The following NRXN1 variants were observed in gnomAD, a reference collection of about 807,000 sequenced individuals.
NRXN1 encodes the protein neurexin-1.
In NRXN1, 39 loss-of-function variants were observed where a neutral mutation model predicts 150.9. That is an observed-to-expected ratio of 0.26 (90% CI 0.20 to 0.34). NRXN1 has a LOEUF of 0.34. Among genes scored for constraint, NRXN1 ranks in the 10% least tolerant of loss-of-function variants. The pLI, the probability that NRXN1 is intolerant of heterozygous loss-of-function variation, is 1.00. For synonymous variants in NRXN1, 924 were observed against 757.0 expected (o/e 1.22, Z -3.62); for missense variants, 1,815 against 1,949.9 (o/e 0.93, Z 1.30).
At chr2:50,598,754 T>C (rs1243453833) in intron 8 of NRXN1, among the ~76,000 whole-genome samples, 2 of 148,684 alleles carry the variant, frequency 1.3e-5, no homozygotes, top group Non-Finnish European at 3.0e-5. Context: ...ATATATTTTA[T>C]TTTTGTTTTG....
In NRXN1 at chr2:50,131,918, T is replaced by C. The variant is rs1705560433; in HGVS notation, c.3547-40424A>G. Among the ~76,000 whole-genome samples, 5 of 152,204 alleles carry C rather than the reference T, an allele frequency of 3.3e-5. No homozygotes were observed. The South Asian group carries it at 6.2e-4, about 19-fold the overall frequency. On this transcript the variant is annotated intron_variant, in intron 18 of 22. Transcript: ENST00000401669. ...TACACTAGACGGTCCAACAGCTCTA[T>C]TGAACAAGTATGGGGGAAAAAAAGT...
At chr2:50,176,606 C>A (rs2060368720) in intron 18 of NRXN1, among the ~76,000 whole-genome samples, 1 of 152,064 alleles carries the variant, frequency 6.6e-6, no homozygotes, top group Non-Finnish European at 1.5e-5. Flanking sequence ...TAACACATAA[C>A]TCTATTAGAT....
intron 18 of NRXN1, among the ~76,000 whole-genome samples, chr2:50,219,949 A>G (rs2063708397): frequency 1.4e-5 from 1 of 71,704 alleles, no homozygotes; most frequent in African/African-American, 9.2e-5. Context: ...TATATTATAT[A>G]TATAATATAT....
chr2:50,973,511 T>C (rs1695343437), intron 2 of NRXN1, among the ~76,000 whole-genome samples: 1 of 152,192 alleles, frequency 6.6e-6, no homozygotes, highest in African/African-American at 2.4e-5. Context: ...TAAAAAGAGT[T>C]ATCTGATTCG....
chr2:50,678,347 C>T (rs1380104487), intron 5 of NRXN1, among the ~76,000 whole-genome samples: 3 of 152,110 alleles, frequency 2.0e-5, no homozygotes, highest in South Asian at 2.1e-4. Context: ...TTAGATTAAT[C>T]CCATGGTTTG....
intron 5 of NRXN1, among the ~76,000 whole-genome samples, chr2:50,691,524 A>G (rs1383640775): frequency 6.6e-6 from 1 of 152,148 alleles, no homozygotes. Context: ...TCATCTGTGG[A>G]AACAATACAC....
chr2:50,321,207 C>A (rs189837493), intron 17 of NRXN1, among the ~76,000 whole-genome samples: 1 of 152,122 alleles, frequency 6.6e-6, no homozygotes, highest in Non-Finnish European at 1.5e-5. Context: ...AAAAACCAGA[C>A]TAAGTATCCT....
chr2:50,622,762 T>C (rs1408027527), intron 6 of NRXN1, among the ~76,000 whole-genome samples: 3 of 152,148 alleles, frequency 2.0e-5, no homozygotes, highest in Non-Finnish European at 4.4e-5. Flanking sequence ...AAAGCATCTA[T>C]GCTAAAAATA....
intron 17 of NRXN1, among the ~76,000 whole-genome samples, chr2:50,384,230 G>A (rs554824658): frequency 6.6e-6 from 1 of 152,220 alleles, no homozygotes; most frequent in East Asian, 1.9e-4. Flanking sequence ...TTCTCAGCCG[G>A]GTGCGGTGGC....
At chr2:50,506,818 C>A in intron 12 of NRXN1, 2 of 561,256 alleles carry the variant, frequency 3.6e-6, no homozygotes, top group East Asian at 2.9e-5. Context: ...CCATTAGAGT[C>A]ATAGCAAGCA....
chr2:50,003,856 A>C (rs1418863763), intron 21 of NRXN1, among the ~76,000 whole-genome samples: 1 of 152,134 alleles, frequency 6.6e-6, no homozygotes, highest in Non-Finnish European at 1.5e-5. Context: ...ACATACTTTC[A>C]TGTCATTCCA....
intron 2 of NRXN1, among the ~76,000 whole-genome samples, chr2:50,938,583 T>G: frequency 6.6e-6 from 1 of 152,186 alleles, no homozygotes; most frequent in Admixed American, 6.5e-5. Flanking sequence ...ATATCAATTT[T>G]CTGTATTAGT....
chr2:50,872,766 A>C (rs543345429), intron 5 of NRXN1, among the ~76,000 whole-genome samples: 1 of 151,866 alleles, frequency 6.6e-6, no homozygotes, highest in Non-Finnish European at 1.5e-5. Context: ...CACTCTGGGC[A>C]ACAAAACAAG....
intron 5 of NRXN1, among the ~76,000 whole-genome samples, chr2:50,817,472 AG>A (rs1669097758): frequency 6.6e-6 from 1 of 152,102 alleles, no homozygotes; most frequent in Non-Finnish European, 1.5e-5. Context: ...AAGAAATAGA[AG>A]AGAAGAGAAC....
chr2:50,377,784 A>G (rs985764853), intron 17 of NRXN1, among the ~76,000 whole-genome samples: 4 of 152,188 alleles, frequency 2.6e-5, no homozygotes, highest in Admixed American at 2.0e-4. Context: ...AAGAAAAGTC[A>G]TCCACATTTT....
intron 2 of NRXN1, among the ~76,000 whole-genome samples, chr2:51,021,734 T>C (rs879390968): frequency 6.6e-6 from 1 of 152,054 alleles, no homozygotes; most frequent in Non-Finnish European, 1.5e-5. Flanking sequence ...AAATCTTTTT[T>C]ATACTAAAAC....
intron 15 of NRXN1, among the ~76,000 whole-genome samples, chr2:50,476,494 A>T (rs149747198): frequency 1.8e-4 from 28 of 152,180 alleles, no homozygotes; most frequent in African/African-American, 6.0e-4. Context: ...TAAGGATTAC[A>T]AAGTATGCAC....
chr2:50,207,841 A>G (rs1447545710), intron 18 of NRXN1: 1 of 157,564 alleles, frequency 6.3e-6, no homozygotes, highest in Admixed American at 6.6e-5. Context: ...GGCCATTTCA[A>G]ATCTCTTCCC....
chr2:50,506,419 G>C, intron 13 of NRXN1, 76 bp downstream of exon 13: 1 of 1,389,612 alleles, frequency 7.2e-7, no homozygotes, highest in Admixed American at 2.0e-5. Context: ...ACCAGCCTTG[G>C]TGTGCAAAAC....
Sources: allele counts gnomAD v4.1 joint callset (sites outside exome capture counted in the v4.1 genomes callset), GRCh38; gene constraint gnomAD v4.1.1; transcripts MANE v1.5; gene names NCBI Gene and HGNC (gene_info 2026-07-23, HGNC 2026-07-21).